Variants in RAB5B observed in about 807,000 individuals in gnomAD.
RAB5B encodes ras-related protein Rab-5B.
A neutral mutation model predicts 28.6 loss-of-function variants in RAB5B; 11 were observed. That is an observed-to-expected ratio of 0.38 (90% CI 0.24 to 0.64). The LOEUF (loss-of-function observed/expected upper bound fraction) is 0.64, where lower values mean the gene tolerates loss of function less well. Ranked by LOEUF, RAB5B falls within the 30% of genes least tolerant of loss-of-function variation. The probability of loss-of-function intolerance (pLI) is 0.53; values close to 1 mark genes in which losing one functional copy is unlikely to be tolerated. For missense variants in RAB5B, 169 were observed against 265.6 expected (o/e 0.64, Z 2.53); for synonymous variants, 93 against 97.9 (o/e 0.95, Z 0.29).
At chr12:55,978,499 G>A (rs921039352) in intron 1 of RAB5B, among the ~76,000 whole-genome samples, 6 of 150,950 alleles carry the variant, frequency 4.0e-5, no homozygotes, top group Middle Eastern at 3.4e-3. Context: ...GCAAGACTCC[G>A]TCTCAGGAAA....
intron 2 of RAB5B, among the ~76,000 whole-genome samples, chr12:55,987,405 C>G (rs1889982774): frequency 1.3e-5 from 2 of 151,914 alleles, no homozygotes; most frequent in African/African-American, 4.8e-5. Context: ...CTCAGGTGAT[C>G]TGCCTGCCTC....
At chr12:55,977,619 G>A (rs1388609236) in intron 1 of RAB5B, among the ~76,000 whole-genome samples, 3 of 152,128 alleles carry the variant, frequency 2.0e-5, no homozygotes, top group Non-Finnish European at 2.9e-5. Context: ...TAATCCTAAA[G>A]CATTTCAGAT....
intron 1 of RAB5B, among the ~76,000 whole-genome samples, chr12:55,975,198 A>G (rs1889611672): frequency 6.6e-6 from 1 of 152,214 alleles, no homozygotes; most frequent in African/African-American, 2.4e-5. Flanking sequence ...CTCAGCCATC[A>G]GGAGATCTTC....
At chr12:55,986,339 C>T (rs1450217239) in intron 1 of RAB5B, among the ~76,000 whole-genome samples, 4 of 151,970 alleles carry the variant, frequency 2.6e-5, no homozygotes, top group Non-Finnish European at 4.4e-5. Context: ...CCCAGCTACT[C>T]GGGAGACTGA....
chr12:55,989,880 G>A (rs556633187), intron 2 of RAB5B, 67 bp from the exon 3 acceptor site: 797 of 1,526,672 alleles, frequency 5.2e-4, no homozygotes, highest in Non-Finnish European at 6.6e-4. Flanking sequence ...CATTTTGAAG[G>A]GGGGGAGGGA....
At position 55,996,003 on chromosome 12, in the gene RAB5B, A is replaced by ATATATATATATATATATTT; in HGVS notation, c.*3792_*3793insATATATATATATATATTTT. ...TATATACATATATATATATATATAT[A>ATATATATATATATATATTT]TTTTTTTTTTAACAACTGGTAGGAT... On this transcript the variant is annotated 3_prime_UTR_variant, in exon 6 of 6. Transcript: ENST00000360299. 2.1e-5 allele frequency: 2 copies of ATATATATATATATATATTT among 97,430 alleles called. No individual in the cohort carries two copies. The highest frequency in any genetic ancestry group is 4.0e-5 in the Non-Finnish European group (2 of 50,490). The allele number at this position is 97,430 out of a possible 1,614,324, so 6.0% of individuals were successfully genotyped here. A position where few individuals can be genotyped will look rare whatever the true frequency, so the allele number is the denominator to read the frequency against.
At chr12:55,974,320 G>A (rs1029614644) in intron 1 of RAB5B, among the ~76,000 whole-genome samples, 181 bp downstream of exon 1, 1 of 152,190 alleles carries the variant, frequency 6.6e-6, no homozygotes, top group Middle Eastern at 3.2e-3. Flanking sequence ...GGGACTGGGC[G>A]GCCTGGGACC....
In RAB5B at chr12:55,989,870, C is replaced by A. The variant is rs771638202; in HGVS notation, c.164-77C>A. The A allele has an allele frequency of 9.2e-6, 14 of 1,516,170 alleles. No individual in the cohort carries two copies. The South Asian group carries it at 1.5e-4, about 16-fold the overall frequency. The allele number at this position is 1,516,170 out of a possible 1,614,324, so 93.9% of individuals were successfully genotyped here. ...GACTGGTCTTAGTGTAGGGCAGTTACATTTTGAAGGGGGGGAGGGATGTTC... is the reference window on the plus strand; with the variant it reads ...GACTGGTCTTAGTGTAGGGCAGTTAAATTTTGAAGGGGGGGAGGGATGTTC... On this transcript the variant is annotated intron_variant, in intron 2 of 5. Coordinates refer to ENST00000360299, the MANE Select transcript of RAB5B (RefSeq NM_002868.4).
At chr12:55,976,967 G>A (rs1450356665) in intron 1 of RAB5B, among the ~76,000 whole-genome samples, 1 of 152,150 alleles carries the variant, frequency 6.6e-6, no homozygotes, top group Admixed American at 6.6e-5. Flanking sequence ...AGAGACAGTT[G>A]TGTAGGAGTA....
rs1890214355 is a variant in RAB5B at position 55,994,006 on chromosome 12, A to G, written c.*1794A>G. ...GGGAAAGAAAGAAAGGAAAGGTCACAGTGACCTAGGATTGGAACCTTCCTG... is the reference window on the plus strand; with the variant it reads ...GGGAAAGAAAGAAAGGAAAGGTCACGGTGACCTAGGATTGGAACCTTCCTG... On this transcript the variant is annotated 3_prime_UTR_variant, in exon 6 of 6. Coordinates refer to ENST00000360299, the MANE Select transcript of RAB5B (RefSeq NM_002868.4). 6.6e-6 allele frequency: 1 copy of G among 152,612 alleles called. No homozygotes were observed. Among genetic ancestry groups the G allele is most frequent in the Non-Finnish European group, 1.5e-5 (1 of 68,042 alleles). The allele number at this position is 152,612 out of a possible 1,614,324, so 9.5% of individuals were successfully genotyped here. A position where few individuals can be genotyped will look rare whatever the true frequency, so the allele number is the denominator to read the frequency against.
chr12:55,990,372 C>T (rs534207887), intron 3 of RAB5B, among the ~76,000 whole-genome samples: 15 of 151,872 alleles, frequency 9.9e-5, no homozygotes, highest in Middle Eastern at 3.4e-3. Context: ...CGAGCCACTG[C>T]ACTCTAGCCT....
In RAB5B at chr12:55,987,131, C is replaced by T; in HGVS notation, c.163+8C>T. 1 of 1,608,480 alleles carries T rather than the reference C, an allele frequency of 6.2e-7. No individual in the cohort carries two copies. The highest frequency in any genetic ancestry group is 8.5e-7 in the Non-Finnish European group (1 of 1,176,698). Reference sequence around the variant, plus strand: ...AGGAGAGCACCATTGGAGGTGAGTGCCTTGGGGTAATAGGAGATTGAATGT... The same window carrying T: ...AGGAGAGCACCATTGGAGGTGAGTGTCTTGGGGTAATAGGAGATTGAATGT... On this transcript the variant is annotated splice_region_variant and intron_variant, in intron 2 of 5. Transcript: ENST00000360299.
rs764495735 is a variant in RAB5B at position 55,992,506 on chromosome 12, C to G, written c.*294C>G. 1 of 557,860 alleles carries G rather than the reference C, an allele frequency of 1.8e-6. No homozygotes were observed. Among genetic ancestry groups the G allele is most frequent in the Non-Finnish European group, 3.4e-6 (1 of 293,256 alleles). The allele number at this position is 557,860 out of a possible 1,614,324, so 34.6% of individuals were successfully genotyped here. On this transcript the variant is annotated 3_prime_UTR_variant, in exon 6 of 6. Transcript: ENST00000360299. The stretch of plus-strand genomic sequence containing the variant: ...TTGTATTATAGGTACAAGACAGCGA[C>G]TTACGTATCTTTTCTCCTCCTCCCT...
chr12:55,978,073 G>A (rs1412336118), intron 1 of RAB5B, among the ~76,000 whole-genome samples: 9 of 152,222 alleles, frequency 5.9e-5, no homozygotes, highest in African/African-American at 2.2e-4. Context: ...GCATAGTAAC[G>A]GGTGACAGGA....
chr12:55,989,884 G>A lies in RAB5B; in HGVS notation c.164-63G>A, dbSNP rs1292139624. The A allele has an allele frequency of 2.6e-6, 4 of 1,531,544 alleles. 1 individual carries two copies. The South Asian group carries it at 3.4e-5, about 13-fold the overall frequency. The allele number at this position is 1,531,544 out of a possible 1,614,324, so 94.9% of individuals were successfully genotyped here. On this transcript the variant is annotated intron_variant, in intron 2 of 5. Coordinates refer to ENST00000360299, the MANE Select transcript of RAB5B (RefSeq NM_002868.4). ...TAGGGCAGTTACATTTTGAAGGGGG[G>A]GAGGGATGTTCCCATTCATCCTCCC...
At chr12:55,991,033 G>A (rs770774157) in intron 4 of RAB5B, 10 of 557,204 alleles carry the variant, frequency 1.8e-5, no homozygotes, top group Non-Finnish European at 3.1e-5. Context: ...ACCAGCTGTG[G>A]GGGTACCAGT....
chr12:55,976,436 G>A (rs1889649028), intron 1 of RAB5B, among the ~76,000 whole-genome samples: 1 of 152,124 alleles, frequency 6.6e-6, no homozygotes, highest in South Asian at 2.1e-4. Flanking sequence ...TGTGCTGGGT[G>A]TCCTAGGAAG....
chr12:55,976,920 T>C (rs911310009), intron 1 of RAB5B, among the ~76,000 whole-genome samples: 4 of 152,180 alleles, frequency 2.6e-5, no homozygotes, highest in Non-Finnish European at 5.9e-5. Flanking sequence ...CTCGGTTTTT[T>C]CCCCCAAGGA....
intron 1 of RAB5B, among the ~76,000 whole-genome samples, chr12:55,983,293 G>C (rs1889860335): frequency 6.6e-6 from 1 of 152,096 alleles, no homozygotes; most frequent in Non-Finnish European, 1.5e-5. Flanking sequence ...TGTTGGCCAG[G>C]CTGGTCTCAA....
Sources: gnomAD v4.1 joint callset for allele counts (sites outside exome capture counted in the v4.1 genomes callset) on GRCh38, gnomAD v4.1.1 for gene constraint, MANE v1.5 for transcripts, NCBI Gene and HGNC (gene_info 2026-07-23, HGNC 2026-07-21) for gene names.